The following CEACAM6 variants were observed in gnomAD, a reference collection of about 807,000 sequenced individuals.
CEACAM6 encodes CEA cell adhesion molecule 6, also known as cell adhesion molecule CEACAM6.
Under a neutral mutation model 32.4 loss-of-function variants are expected in CEACAM6, and 21 were observed. The ratio of observed to expected loss-of-function variants is 0.65; its 90% confidence interval spans 0.46 to 0.93. The LOEUF (loss-of-function observed/expected upper bound fraction) is 0.93. Among genes scored for constraint, CEACAM6 ranks in the 40% least tolerant of loss-of-function variants. The probability of loss-of-function intolerance (pLI) is 0.00; values close to 1 mark genes in which losing one functional copy is unlikely to be tolerated. For synonymous variants in CEACAM6, 184 were observed against 174.4 expected, an observed-to-expected ratio of 1.06 and a Z score of -0.43; for missense variants, 406 against 432.2, an observed-to-expected ratio of 0.94 and a Z score of 0.54.
At chr19:41,760,524 C>T (rs1021456318) in intron 2 of CEACAM6, among the ~76,000 whole-genome samples, 1 of 152,226 alleles carries the variant, frequency 6.6e-6, no homozygotes, top group Non-Finnish European at 1.5e-5. Context: ...AGAAAAGGAA[C>T]ACGGTTCTGC....
chr19:41,769,554 C>T (rs1267066295), intron 5 of CEACAM6, among the ~76,000 whole-genome samples: 1 of 151,774 alleles, frequency 6.6e-6, no homozygotes, highest in Non-Finnish European at 1.5e-5. Context: ...TTTTGTTTCC[C>T]AGATTTCAGG....
chr19:41,761,477 A>G lies in CEACAM6; in HGVS notation c.653A>G (p.Gln218Arg). 1 of 1,614,226 alleles carries G rather than the reference A, an allele frequency of 6.2e-7. No individual in the cohort carries two copies. The highest frequency in any genetic ancestry group is 8.5e-7 in the Non-Finnish European group (1 of 1,180,042). ...NDAGSYECEI[Q>R]NPASANRSDP... ...GCAGGATCCTATGAATGTGAAATAC[A>G]GAACCCAGCGAGTGCCAACCGCAGT... is the stretch of plus-strand genomic sequence containing the variant. Residue 218 changes from glutamine (Q) to arginine (R), a missense_variant, in exon 3 of 6, where the codon CAG becomes CGG. By Grantham distance (43) the Gln-to-Arg change is conservative. Coordinates refer to ENST00000199764, the MANE Select transcript of CEACAM6 (RefSeq NM_002483.7).
intron 3 of CEACAM6, 42 bp from the exon 4 acceptor site, chr19:41,761,927 C>T (rs782428742): frequency 1.8e-5 from 29 of 1,608,396 alleles, no homozygotes; most frequent in African/African-American, 2.7e-5. Context: ...CTTATGCTTC[C>T]CTCTGACAAC....
intron 5 of CEACAM6, 35 bp downstream of exon 5, chr19:41,766,334 A>C: frequency 1.8e-6 from 2 of 1,116,454 alleles, no homozygotes; most frequent in South Asian, 3.1e-5. Flanking sequence ...TGTTTCCTGC[A>C]GGGCTGACCA....
At chr19:41,765,240 G>C (rs781902014) in intron 4 of CEACAM6, among the ~76,000 whole-genome samples, 2 of 152,180 alleles carry the variant, frequency 1.3e-5, no homozygotes, top group African/African-American at 2.4e-5. Flanking sequence ...CTACCCAAGA[G>C]AGTTACTGTA....
At chr19:41,758,139 T>A (rs782255199) in intron 2 of CEACAM6, 1 of 152,204 alleles carries the variant, frequency 6.6e-6, no homozygotes, top group Non-Finnish European at 1.5e-5. Context: ...CTAAATCACC[T>A]GCCTCAAATA....
chr19:41,769,725 T>G (rs1279274129), intron 5 of CEACAM6, among the ~76,000 whole-genome samples: 3 of 111,000 alleles, frequency 2.7e-5, no homozygotes, highest in African/African-American at 7.7e-5. Flanking sequence ...AAAATATAGT[T>G]ATTAATATTA....
rs376476934 is a variant in CEACAM6 at position 41,761,403 on chromosome 19, G to A, written c.579G>A (p.Leu193=). 1.2e-6 allele frequency: 2 copies of A among 1,614,214 alleles called. No homozygotes were observed. Among genetic ancestry groups the A allele is most frequent in the South Asian group, 1.1e-5 (1 of 91,084 alleles). The change falls in exon 3 of 6, where the codon CTG becomes CTA. Residue 193 remains leucine (L), a synonymous_variant. Transcript: ENST00000199764. ...QSLPVSPRLQ[L]SNGNMTLTLL... ...TCCCGGTCAGTCCCAGGCTGCAGCT[G>A]TCCAATGGCAACATGACCCTCACTC...
intron 5 of CEACAM6, among the ~76,000 whole-genome samples, chr19:41,768,572 A>T (rs1045768109): frequency 1.3e-5 from 2 of 152,182 alleles, no homozygotes; most frequent in Non-Finnish European, 2.9e-5. Flanking sequence ...TATTCCACAA[A>T]ACTGCCATTG....
intron 2 of CEACAM6, among the ~76,000 whole-genome samples, chr19:41,757,215 T>A (rs561676632): frequency 1.3e-5 from 2 of 152,090 alleles, no homozygotes; most frequent in East Asian, 3.9e-4. Flanking sequence ...GAGGTCAGTG[T>A]CAGACAAGCA....
chr19:41,755,797 G>C (rs1227410297), intron 1 of CEACAM6, 95 bp downstream of exon 1: 2 of 1,052,974 alleles, frequency 1.9e-6, no homozygotes, highest in Non-Finnish European at 2.7e-6. Context: ...AGGAGACAGA[G>C]GGCTTTTGTT....
chr19:41,769,213 C>G (rs1368532401), intron 5 of CEACAM6, among the ~76,000 whole-genome samples: 3 of 152,028 alleles, frequency 2.0e-5, no homozygotes, highest in African/African-American at 7.2e-5. Context: ...CCAAAGTGCT[C>G]GGATTACAGG....
At chr19:41,762,915 GTGTCC>G (rs1262909932) in intron 4 of CEACAM6, among the ~76,000 whole-genome samples, 2 of 152,182 alleles carry the variant, frequency 1.3e-5, no homozygotes, top group African/African-American at 4.8e-5. Context: ...CTGCTGAGCT[GTGTCC>G]TGGCTCTGAA....
chr19:41,764,414 G>A lies in CEACAM6; in HGVS notation c.959-1769G>A, dbSNP rs1221825213. Among the ~76,000 whole-genome samples, 3 of 151,848 alleles carry A rather than the reference G, an allele frequency of 2.0e-5. No individual in the cohort carries two copies. In the East Asian group the frequency reaches 5.8e-4, roughly 29 times the overall value. On this transcript the variant is annotated intron_variant, in intron 4 of 5. Coordinates refer to ENST00000199764, the MANE Select transcript of CEACAM6 (RefSeq NM_002483.7). ...TGATCCTCCTACCTCAGCCTCCTGA[G>A]TAGCTGGGACTACAGGCATATGCCA...
At chr19:41,766,337 G>A in intron 5 of CEACAM6, 38 bp downstream of exon 5, 2 of 1,094,084 alleles carry the variant, frequency 1.8e-6, no homozygotes, top group Non-Finnish European at 2.6e-6. Context: ...TTCCTGCAGG[G>A]CTGACCACCA....
intron 5 of CEACAM6, among the ~76,000 whole-genome samples, chr19:41,770,255 C>CAAAAA (rs1158293587): frequency 3.2e-4 from 13 of 40,510 alleles, no homozygotes; most frequent in African/African-American, 7.5e-4. Context: ...GCTAAAAATA[C>CAAAAA]AAAAAAAAAA....
In CEACAM6 at chr19:41,772,054, A is replaced by C. The variant is rs1217760305; in HGVS notation, c.*1293A>C. 2.0e-5 allele frequency: 3 copies of C among 152,194 alleles called. No homozygotes were observed. Among genetic ancestry groups the C allele is most frequent in the African/African-American group, 7.2e-5 (3 of 41,462 alleles). 9.4% of individuals were successfully genotyped at this position (152,194 alleles called of 1,614,324 possible). A position where few individuals can be genotyped will look rare whatever the true frequency, so the allele number is the denominator to read the frequency against. On this transcript the variant is annotated 3_prime_UTR_variant, in exon 6 of 6. Coordinates refer to ENST00000199764, the MANE Select transcript of CEACAM6 (RefSeq NM_002483.7). Reference sequence around the variant, plus strand: ...AACCTGAACTAATCTGATGTTAACCAATGTATTTATTTCTGTGGTTCTGTT... The same window carrying C: ...AACCTGAACTAATCTGATGTTAACCCATGTATTTATTTCTGTGGTTCTGTT...
At position 41,756,836 on chromosome 19, in the gene CEACAM6, A is replaced by G. The variant is rs782645555; in HGVS notation, c.301A>G (p.Ile101Val). The G allele has an allele frequency of 1.2e-6, 2 of 1,614,128 alleles. No individual in the cohort carries two copies. The highest frequency in any genetic ancestry group is 2.2e-5 in the East Asian group (1 of 44,890). ...GCCCGCATACAGTGGTCGAGAGACA[A>G]TATACCCCAATGCATCCCTGCTGAT... ...PGPAYSGRET[I>V]YPNASLLIQN... Residue 101 changes from isoleucine to valine, a missense_variant, in exon 2 of 6, where the codon ATA becomes GTA. Transcript: ENST00000199764.
intron 3 of CEACAM6, 145 bp from the exon 4 acceptor site, chr19:41,761,824 C>G: frequency 9.1e-7 from 1 of 1,104,018 alleles, no homozygotes; most frequent in Non-Finnish European, 1.3e-6. Context: ...ATGTCTCAGA[C>G]TTTGGCTCAG....
Sources: allele counts gnomAD v4.1 joint callset (sites outside exome capture counted in the v4.1 genomes callset), GRCh38; gene constraint gnomAD v4.1.1; transcripts MANE v1.5; gene names NCBI Gene and HGNC (gene_info 2026-07-23, HGNC 2026-07-21).